KCTD5: variants seen among roughly 807,000 people sequenced by gnomAD.
The protein encoded by KCTD5 is potassium channel tetramerization domain containing 5, also known as BTB/POZ domain-containing protein KCTD5.
KCTD5 carries 12 observed loss-of-function variants against 27.9 expected under a neutral mutation model. That is an observed-to-expected ratio of 0.43 (90% CI 0.28 to 0.70). The LOEUF is 0.70. Among genes scored for constraint, KCTD5 ranks in the 30% least tolerant of loss-of-function variants. KCTD5 has a pLI of 0.19. For missense variants in KCTD5, 226 were observed against 274.8 expected (o/e 0.82, Z 1.26); for synonymous variants, 147 against 121.4 (o/e 1.21, Z -1.39).
chr16:2,692,532 C>G (rs2067571136), intron 1 of KCTD5, among the ~76,000 whole-genome samples: 1 of 152,194 alleles, frequency 6.6e-6, no homozygotes, highest in Non-Finnish European at 1.5e-5. Flanking sequence ...TCTCTGTCCT[C>G]TTTGTCCTCT....
intron 1 of KCTD5, among the ~76,000 whole-genome samples, chr16:2,692,566 G>A (rs2067571309): frequency 6.6e-6 from 1 of 152,216 alleles, no homozygotes; most frequent in Non-Finnish European, 1.5e-5. Context: ...TGAGCCCAGG[G>A]CTCTTATGGA....
chr16:2,693,140 C>A (rs1428003988), intron 1 of KCTD5, among the ~76,000 whole-genome samples: 1 of 152,236 alleles, frequency 6.6e-6, no homozygotes, highest in Admixed American at 6.5e-5. Flanking sequence ...CTCTCACTAC[C>A]CACCCCAGGC....
At position 2,708,107 on chromosome 16, in the gene KCTD5, C is replaced by G. The variant is rs996972153; in HGVS notation, c.*780C>G. ...GCGAGGTAGCAGTGTCGCCTCGCCC[C>G]TCCCACTGCGGGCTCACGGGGAGCT... On this transcript the variant is annotated 3_prime_UTR_variant, in exon 6 of 6. Coordinates refer to ENST00000301738, the MANE Select transcript of KCTD5 (RefSeq NM_018992.4). 1.3e-5 allele frequency: 2 copies of G among 152,754 alleles called. No individual in the cohort carries two copies. Among genetic ancestry groups the G allele is most frequent in the South Asian group, 2.1e-4 (1 of 4,834 alleles). 9.5% of individuals were successfully genotyped at this position (152,754 alleles called of 1,614,324 possible). A position where few individuals can be genotyped will look rare whatever the true frequency, so the allele number is the denominator to read the frequency against.
intron 1 of KCTD5, among the ~76,000 whole-genome samples, chr16:2,688,570 G>A (rs1051406497): frequency 1.3e-4 from 19 of 150,314 alleles, no homozygotes; most frequent in African/African-American, 2.9e-4. Context: ...TGCTAAGAAC[G>A]CTTTTCCCCT....
At chr16:2,702,523 A>G (rs1380175037) in intron 5 of KCTD5, 45 bp downstream of exon 5, 4 of 1,602,234 alleles carry the variant, frequency 2.5e-6, no homozygotes, top group South Asian at 1.1e-5. Flanking sequence ...TTGGGTGGGG[A>G]AGGCTCTTGC....
At chr16:2,704,437 G>A (rs930336967) in intron 5 of KCTD5, among the ~76,000 whole-genome samples, 4 of 152,210 alleles carry the variant, frequency 2.6e-5, no homozygotes, top group Non-Finnish European at 4.4e-5. Flanking sequence ...GGCGGGAGGG[G>A]TTGCACCTGT....
chr16:2,699,203 G>A (rs1485108314), intron 3 of KCTD5: 2 of 456,076 alleles, frequency 4.4e-6, no homozygotes, highest in Non-Finnish European at 8.8e-6. Flanking sequence ...CAGGATGTGG[G>A]GCCACCCCGC....
intron 5 of KCTD5, among the ~76,000 whole-genome samples, chr16:2,703,382 G>A (rs2067621156): frequency 6.6e-6 from 1 of 152,060 alleles, no homozygotes; most frequent in Non-Finnish European, 1.5e-5. Flanking sequence ...CGGGCTCTGT[G>A]GGGAGCCAGC....
rs114575094 is a variant in KCTD5 at position 2,692,919 on chromosome 16, G to T, written c.253-3016G>T. 9.7e-3 allele frequency among the ~76,000 whole-genome samples: 1,485 copies of T among 152,406 alleles called. 21 individuals are homozygous for T. The highest frequency in any genetic ancestry group is 0.034 in the African/African-American group (1,418 of 41,602). On this transcript the variant is annotated intron_variant, in intron 1 of 5. Transcript: ENST00000301738. The stretch of plus-strand genomic sequence containing the variant: ...CCCCAAGAGTGCAGGGATGCCTGAG[G>T]CTGTGGTTTGGGCAGCTGCAGTTGT...
chr16:2,682,625 G>C lies in KCTD5; in HGVS notation c.77G>C (p.Arg26Pro). Reference protein sequence around the residue: ...IGAGLGGGLCRRCSAGLGALA... With the variant: ...IGAGLGGGLCPRCSAGLGALA... ...GCGGGGCTGGGGGGCGGCCTGTGCC[G>C]CCGCTGCAGCGCTGGGCTCGGCGCC... The change falls in exon 1 of 6, where the codon CGC becomes CCC. Residue 26 changes from arginine to proline, a missense_variant. This residue lies in a region of KCTD5 where 91 missense variants were observed against 67.8 expected (regional missense o/e 1.34). Transcript: ENST00000301738. The C allele has an allele frequency of 6.4e-7, 1 of 1,555,392 alleles. No homozygotes were observed. The highest frequency in any genetic ancestry group is 8.7e-7 in the Non-Finnish European group (1 of 1,155,686).
intron 1 of KCTD5, among the ~76,000 whole-genome samples, chr16:2,693,834 C>A (rs565517533): frequency 0.047 from 7,110 of 150,142 alleles, 499 homozygotes; most frequent in African/African-American, 0.17. Context: ...TGGTCTCCCC[C>A]ACCTTTTGCT....
chr16:2,704,789 A>C (rs2067627808), intron 5 of KCTD5, among the ~76,000 whole-genome samples: 1 of 152,132 alleles, frequency 6.6e-6, no homozygotes, highest in African/African-American at 2.4e-5. Context: ...GGGCCAATGC[A>C]GTGGGGTCCA....
At chr16:2,706,904 G>T (rs963381988) in intron 5 of KCTD5, among the ~76,000 whole-genome samples, 65 of 151,882 alleles carry the variant, frequency 4.3e-4, no homozygotes, top group African/African-American at 1.4e-3. Context: ...GGTGGGGGTG[G>T]GGGCTGCAGT....
intron 4 of KCTD5, among the ~76,000 whole-genome samples, chr16:2,700,803 G>GC (rs3030702): frequency 0.16 from 23,680 of 145,992 alleles, 2,161 homozygotes; most frequent in Middle Eastern, 0.28. Flanking sequence ...GGTACTTGGA[G>GC]CCCCCCCCCC....
At chr16:2,698,583 A>G (rs2067596879) in intron 3 of KCTD5, among the ~76,000 whole-genome samples, 1 of 152,072 alleles carries the variant, frequency 6.6e-6, no homozygotes, top group Non-Finnish European at 1.5e-5. Context: ...CGTCCCTGAG[A>G]GCTGAGCCCG....
At chr16:2,705,112 C>A (rs570757721) in intron 5 of KCTD5, among the ~76,000 whole-genome samples, 10 of 152,346 alleles carry the variant, frequency 6.6e-5, no homozygotes, top group African/African-American at 2.2e-4. Flanking sequence ...TCTTCTCCCC[C>A]ACTGCGCGCT....
In KCTD5 at chr16:2,708,365, C is replaced by T. The variant is rs1332961962; in HGVS notation, c.*1038C>T. On this transcript the variant is annotated 3_prime_UTR_variant, in exon 6 of 6. Transcript: ENST00000301738. ...CCTGCACGGGCTCTGCCCGACATGC[C>T]GTGGGAGCTGCTGGGATTCCTTTAG... is the stretch of plus-strand genomic sequence containing the variant. 3 of 152,708 alleles carry T rather than the reference C, an allele frequency of 2.0e-5. No homozygotes were observed. Among genetic ancestry groups the T allele is most frequent in the Non-Finnish European group, 4.4e-5 (3 of 68,060 alleles). 9.5% of individuals were successfully genotyped at this position (152,708 alleles called of 1,614,324 possible). A position where few individuals can be genotyped will look rare whatever the true frequency, so the allele number is the denominator to read the frequency against.
chr16:2,688,231 A>T (rs2067549920), intron 1 of KCTD5, among the ~76,000 whole-genome samples: 1 of 82,070 alleles, frequency 1.2e-5, no homozygotes, highest in Non-Finnish European at 2.6e-5. Flanking sequence ...ATAAATAAAT[A>T]TATATATATA....
At chr16:2,682,825 G>C in intron 1 of KCTD5, 25 bp downstream of exon 1, 1 of 1,571,552 alleles carries the variant, frequency 6.4e-7, no homozygotes, top group Non-Finnish European at 8.6e-7. Context: ...GGCCAGCCCG[G>C]AGGGTCCTGG....
Sources: gnomAD v4.1 joint callset for allele counts (sites outside exome capture counted in the v4.1 genomes callset) on GRCh38, gnomAD v4.1.1 for gene constraint, gnomAD v4.1.1 regional missense constraint, MANE v1.5 for transcripts, NCBI Gene and HGNC (gene_info 2026-07-23, HGNC 2026-07-21) for gene names.